SCGN: variants seen among roughly 807,000 people sequenced by gnomAD.
SCGN encodes the protein secretagogin.
Under a neutral mutation model 39.7 loss-of-function variants are expected in SCGN, and 30 were observed. The ratio of observed to expected loss-of-function variants is 0.76; its 90% CI spans 0.57 to 1.03. SCGN has a LOEUF of 1.03. Ranked by LOEUF, SCGN falls within the 50% of genes least tolerant of loss-of-function variation. The pLI, the probability that SCGN is intolerant of heterozygous loss-of-function variation, is 0.00. For synonymous variants in SCGN, 106 were observed against 114.1 expected (o/e 0.93, Z 0.45); for missense variants, 353 against 349.4 (o/e 1.01, Z -0.08).
At position 25,664,930 on chromosome 6, in the gene SCGN, T is replaced by C. The variant is rs199935783; in HGVS notation, c.247-13T>C. 1 of 1,608,166 alleles carries C rather than the reference T, an allele frequency of 6.2e-7. No individual in the cohort carries two copies. Among genetic ancestry groups the C allele is most frequent in the Admixed American group, 1.7e-5 (1 of 59,990 alleles). The stretch of plus-strand genomic sequence containing the variant: ...GCCAGTGTCCCTGACTGTTATTCTT[T>C]CTGTTCCTTCAGCTTGCTGGTATGT... On this transcript the variant is annotated splice_polypyrimidine_tract_variant and intron_variant, in intron 3 of 10. Transcript: ENST00000377961.
chr6:25,656,043 A>C (rs1760222044), intron 2 of SCGN, among the ~76,000 whole-genome samples: 1 of 152,226 alleles, frequency 6.6e-6, no homozygotes, highest in African/African-American at 2.4e-5. Context: ...TGCTACCTGG[A>C]CAACCATGAT....
At chr6:25,675,395 C>T (rs991345662) in intron 6 of SCGN, among the ~76,000 whole-genome samples, 3 of 152,222 alleles carry the variant, frequency 2.0e-5, no homozygotes, top group African/African-American at 7.2e-5. Flanking sequence ...ACCTGGGTTG[C>T]TTGGCAACGG....
chr6:25,669,532 G>A lies in SCGN; in HGVS notation c.358G>A (p.Asp120Asn), dbSNP rs762659253. 1 of 1,613,542 alleles carries A rather than the reference G, an allele frequency of 6.2e-7. No individual in the cohort carries two copies. Among genetic ancestry groups the A allele is most frequent in the Non-Finnish European group, 8.5e-7 (1 of 1,179,626 alleles). ...FMQIWRKYDA[D>N]SSGFISAAEL... Reference sequence around the variant, plus strand: ...TCAGATTTGGCGCAAATATGACGCTGACAGCAGTGGCTTTATATCAGCTGC... The same window carrying A: ...TCAGATTTGGCGCAAATATGACGCTAACAGCAGTGGCTTTATATCAGCTGC... The change falls in exon 5 of 11, where the codon GAC becomes AAC. Residue 120 changes from aspartate (D) to asparagine (N), a missense_variant. Coordinates refer to ENST00000377961, the MANE Select transcript of SCGN (RefSeq NM_006998.4).
intron 7 of SCGN, among the ~76,000 whole-genome samples, chr6:25,682,415 G>C (rs539312105): frequency 6.6e-6 from 1 of 152,254 alleles, no homozygotes; most frequent in African/African-American, 2.4e-5. Context: ...TGTTCTTGAA[G>C]TGTTGGTGTA....
In SCGN at chr6:25,653,394, T is replaced by C. The variant is rs770067229; in HGVS notation, c.95T>C (p.Ile32Thr). ...TTCTCACATTTAGAAAAAGGTTACA[T>C]AGAAGAGAAGGAACTCGATGCTTTC... ...QRFDADEKGY[I>T]EEKELDAFFL... is the part of the protein sequence containing the mutation. The change falls in exon 2 of 11, where the codon ATA becomes ACA. Residue 32 changes from isoleucine to threonine, a missense_variant. Transcript: ENST00000377961. The C allele has an allele frequency of 8.1e-6, 13 of 1,610,712 alleles. No homozygotes were observed. Among genetic ancestry groups the C allele is most frequent in the Non-Finnish European group, 1.1e-5 (13 of 1,177,246 alleles).
At chr6:25,661,181 G>A (rs1023227700) in intron 2 of SCGN, among the ~76,000 whole-genome samples, 12 of 152,138 alleles carry the variant, frequency 7.9e-5, no homozygotes, top group African/African-American at 2.9e-4. Context: ...GTTAAAAAAT[G>A]TAAAATCTCT....
chr6:25,668,884 G>A (rs1759445723), intron 4 of SCGN, among the ~76,000 whole-genome samples: 1 of 152,180 alleles, frequency 6.6e-6, no homozygotes, highest in Non-Finnish European at 1.5e-5. Flanking sequence ...GGCCGAGGCG[G>A]GCGGATCACA....
chr6:25,681,582 G>A (rs533735104), intron 6 of SCGN, among the ~76,000 whole-genome samples: 3 of 152,314 alleles, frequency 2.0e-5, no homozygotes, highest in Admixed American at 2.0e-4. Flanking sequence ...ATTTTAATCA[G>A]TAAATTATTT....
At chr6:25,667,535 G>A (rs1760443019) in intron 4 of SCGN, among the ~76,000 whole-genome samples, 1 of 152,066 alleles carries the variant, frequency 6.6e-6, no homozygotes, top group South Asian at 2.1e-4. Context: ...CAGAATATTA[G>A]TTCTATCTTG....
At chr6:25,663,081 T>C (rs1464219177) in intron 3 of SCGN, among the ~76,000 whole-genome samples, 1 of 152,250 alleles carries the variant, frequency 6.6e-6, no homozygotes, top group Non-Finnish European at 1.5e-5. Flanking sequence ...GGTTGTTGTT[T>C]GTACAAAAAC....
At chr6:25,653,175 C>G (rs1760163723) in intron 1 of SCGN, among the ~76,000 whole-genome samples, 1 of 151,950 alleles carries the variant, frequency 6.6e-6, no homozygotes, top group Admixed American at 6.6e-5. Flanking sequence ...TAATATAAAC[C>G]CTAGCATAAA....
chr6:25,652,703 C>T (rs1302525479), intron 1 of SCGN, among the ~76,000 whole-genome samples: 1 of 152,044 alleles, frequency 6.6e-6, no homozygotes, highest in Non-Finnish European at 1.5e-5. Context: ...TTCCACTTTC[C>T]CCTTTCCAAT....
chr6:25,689,484 T>C lies in SCGN; in HGVS notation c.585T>C (p.Thr195=). The change falls in exon 9 of 11, where the codon ACT becomes ACC. Residue 195 remains threonine, a synonymous_variant. Transcript: ENST00000377961. Reference sequence around the variant, plus strand: ...TTTTCCTTACACAGGCTTGTTCTACTGAAGAAAGGAAAAGGGACTTTGAGA... The same window carrying C: ...TTTTCCTTACACAGGCTTGTTCTACCGAAGAAAGGAAAAGGGACTTTGAGA... ...LLQFKMDACS[T]EERKRDFEKI... 6.2e-7 allele frequency: 1 copy of C among 1,613,466 alleles called. No homozygotes were observed. The highest frequency in any genetic ancestry group is 8.5e-7 in the Non-Finnish European group (1 of 1,179,372).
intron 2 of SCGN, among the ~76,000 whole-genome samples, chr6:25,656,483 A>G (rs1319099583): frequency 6.6e-6 from 1 of 152,188 alleles, no homozygotes; most frequent in Non-Finnish European, 1.5e-5. Context: ...CATCAGCTGC[A>G]ATTGCTGCTG....
intron 4 of SCGN, 98 bp from the exon 5 acceptor site, chr6:25,669,413 G>C (rs1028157665): frequency 4.6e-6 from 5 of 1,080,214 alleles, no homozygotes; most frequent in Non-Finnish European, 7.0e-6. Flanking sequence ...TTTCCATTCA[G>C]TTAAGTACTG....
chr6:25,688,489 A>G (rs1043968600), intron 7 of SCGN, among the ~76,000 whole-genome samples: 1 of 152,156 alleles, frequency 6.6e-6, no homozygotes, highest in African/African-American at 2.4e-5. Flanking sequence ...TACGACAGTC[A>G]TTGTTCTAAC....
chr6:25,666,177 TAAAAA>T (rs59692433), intron 4 of SCGN, among the ~76,000 whole-genome samples: 4 of 124,584 alleles, frequency 3.2e-5, no homozygotes, highest in Admixed American at 8.2e-5. Context: ...CCATCTCTAC[TAAAAA>T]AAAAAAAAAA....
intron 6 of SCGN, among the ~76,000 whole-genome samples, chr6:25,681,251 C>A (rs1759633661): frequency 6.6e-6 from 1 of 152,192 alleles, no homozygotes; most frequent in Non-Finnish European, 1.5e-5. Context: ...GTGTCAACAC[C>A]TTTTGCCTTC....
At chr6:25,699,907 G>A (rs1446117310) in intron 10 of SCGN, among the ~76,000 whole-genome samples, 4 of 152,006 alleles carry the variant, frequency 2.6e-5, no homozygotes, top group Non-Finnish European at 5.9e-5. Context: ...ACTTGAGTAA[G>A]CTGTCATCTC....
Sources: gnomAD v4.1 joint callset for allele counts (sites outside exome capture counted in the v4.1 genomes callset) on GRCh38, gnomAD v4.1.1 for gene constraint, MANE v1.5 for transcripts, NCBI Gene and HGNC (gene_info 2026-07-23, HGNC 2026-07-21) for gene names.